HYDIN: variants seen among roughly 807,000 people sequenced by gnomAD.
HYDIN encodes HYDIN axonemal central pair apparatus protein.
In HYDIN, 132 loss-of-function variants were observed where a neutral mutation model predicts 403.9. The ratio of observed to expected loss-of-function variants is 0.33; its 90% CI spans 0.28 to 0.38. The LOEUF (loss-of-function observed/expected upper bound fraction) is 0.38. Among genes scored for constraint, HYDIN ranks in the 10% least tolerant of loss-of-function variants. HYDIN has a pLI of 1.00. For synonymous variants in HYDIN, 1,202 were observed against 1,891.7 expected (o/e 0.64, Z 9.46); for missense variants, 2,827 against 5,009.5 (o/e 0.56, Z 13.15).
rs567950195 is a variant in HYDIN at position 70,981,956 on chromosome 16, G to A, written c.4333-388C>T. Among the ~76,000 whole-genome samples the A allele has an allele frequency of 2.3e-4, 35 of 151,822 alleles. 1 individual carries two copies. The East Asian group carries it at 5.3e-3, about 23-fold the overall frequency. ...ATCCTGGCTAACACGGTAAAACCCC[G>A]TCTCTGCTAAAAATACAAAAAATTA... On this transcript the variant is annotated intron_variant, in intron 28 of 85. Transcript: ENST00000393567.
intron 6 of HYDIN, 108 bp from the exon 7 acceptor site, chr16:71,152,891 T>C (rs2085597261): frequency 2.9e-6 from 2 of 687,738 alleles, no homozygotes; most frequent in East Asian, 2.6e-5. Flanking sequence ...GACCCAGCAC[T>C]GCAATTTCAT....
intron 45 of HYDIN, among the ~76,000 whole-genome samples, chr16:70,934,421 A>G (rs1376400851): frequency 3.9e-5 from 6 of 152,192 alleles, no homozygotes; most frequent in Non-Finnish European, 7.3e-5. Context: ...AGAGGAAAAC[A>G]GGTGTGCTGA....
chr16:70,894,189 G>A (rs572548454), intron 55 of HYDIN: 1 of 555,546 alleles, frequency 1.8e-6, no homozygotes, highest in Admixed American at 3.5e-5. Context: ...AAGCTGCAGA[G>A]TTGAGAGCAG....
intron 18 of HYDIN, among the ~76,000 whole-genome samples, chr16:71,038,922 G>A (rs1453142348): frequency 2.0e-5 from 3 of 152,078 alleles, no homozygotes; most frequent in Non-Finnish European, 4.4e-5. Flanking sequence ...GCCTCCCAAA[G>A]TGCTGGGATT....
chr16:70,927,663 T>C (rs1018988380), intron 45 of HYDIN, among the ~76,000 whole-genome samples: 7 of 152,364 alleles, frequency 4.6e-5, no homozygotes, highest in South Asian at 4.1e-4. Context: ...TGCCCTTGAA[T>C]ACTTTCCTGG....
intron 45 of HYDIN, among the ~76,000 whole-genome samples, chr16:70,932,513 C>A (rs1186665870): frequency 6.6e-6 from 1 of 151,762 alleles, no homozygotes; most frequent in Non-Finnish European, 1.5e-5. Flanking sequence ...GGTAGGCAGA[C>A]AAAATCACAT....
Position 71,198,186 on chromosome 16 carries a change from A to G in HYDIN, c.-23-11268T>C, listed in dbSNP as rs191584789. Among the ~76,000 whole-genome samples the G allele has an allele frequency of 2.0e-3, 305 of 152,330 alleles. 5 individuals are homozygous for G. The highest frequency in any genetic ancestry group is 6.9e-3 in the African/African-American group (287 of 41,570). On this transcript the variant is annotated intron_variant, in intron 1 of 85. Transcript: ENST00000393567. ...TTAACTCTAATGTATCTATTTTATT[A>G]TATACAGCTGTAGTCCATTTTGTGT...
At chr16:70,892,769 C>T (rs1052351667) in intron 55 of HYDIN, among the ~76,000 whole-genome samples, 1 of 152,126 alleles carries the variant, frequency 6.6e-6, no homozygotes, top group South Asian at 2.1e-4. Context: ...CAAGAGAGGC[C>T]ATTGCAGGAG....
chr16:71,174,807 G>C (rs1169100769), intron 5 of HYDIN, among the ~76,000 whole-genome samples: 2 of 152,138 alleles, frequency 1.3e-5, no homozygotes, highest in African/African-American at 4.8e-5. Flanking sequence ...GACTGCCTGT[G>C]AGCTGATGGG....
At chr16:71,226,991 G>A (rs955998898) in intron 1 of HYDIN, among the ~76,000 whole-genome samples, 11 of 152,116 alleles carry the variant, frequency 7.2e-5, no homozygotes, top group Non-Finnish European at 1.5e-4. Flanking sequence ...TCCAGTGATT[G>A]GCTTTCTGTG....
intron 58 of HYDIN, among the ~76,000 whole-genome samples, chr16:70,887,280 G>C (rs1185666981): frequency 6.6e-6 from 1 of 152,162 alleles, no homozygotes; most frequent in African/African-American, 2.4e-5. Flanking sequence ...TTGAGATGAG[G>C]AGATTATTCT....
intron 1 of HYDIN, among the ~76,000 whole-genome samples, chr16:71,212,536 A>ATATTTATATATATATATATATATATAAC: frequency 6.6e-6 from 1 of 152,326 alleles, no homozygotes; most frequent in East Asian, 1.9e-4. Context: ...AACATCCAGC[A>ATATTTATATATATATATATATATATAAC]ATAAAAGATA....
At chr16:71,212,429 T>C (rs995542400) in intron 1 of HYDIN, among the ~76,000 whole-genome samples, 1 of 152,196 alleles carries the variant, frequency 6.6e-6, no homozygotes, top group South Asian at 2.1e-4. Context: ...TGGGTTTTCA[T>C]TGTACTATTA....
intron 22 of HYDIN, among the ~76,000 whole-genome samples, chr16:71,019,580 A>G (rs1241589714): frequency 6.6e-6 from 1 of 152,370 alleles, no homozygotes; most frequent in East Asian, 1.9e-4. Context: ...CGGTATCGCC[A>G]TGCTTGGTGA....
chr16:70,943,769 G>C, intron 42 of HYDIN, 43 bp downstream of exon 42: 1 of 1,595,706 alleles, frequency 6.3e-7, no homozygotes, highest in Non-Finnish European at 8.5e-7. Flanking sequence ...GATGGTGCGT[G>C]AATGCCAAGC....
intron 4 of HYDIN, among the ~76,000 whole-genome samples, chr16:71,176,141 T>C (rs2086661870): frequency 3.2e-5 from 4 of 125,808 alleles, no homozygotes; most frequent in Admixed American, 2.1e-4. Context: ...TCATCTCTAC[T>C]AAAAATACAA....
At chr16:71,210,741 A>G (rs953218311) in intron 1 of HYDIN, among the ~76,000 whole-genome samples, 6 of 152,206 alleles carry the variant, frequency 3.9e-5, no homozygotes, top group Non-Finnish European at 8.8e-5. Flanking sequence ...TAATTAGACT[A>G]AAATTTCACT....
chr16:71,178,434 A>AAATAT (rs1555501894), intron 4 of HYDIN, among the ~76,000 whole-genome samples: 12 of 94,548 alleles, frequency 1.3e-4, no homozygotes, highest in Admixed American at 2.1e-4. Flanking sequence ...AAAAAAAAAA[A>AAATAT]ATATATATAT....
intron 40 of HYDIN, among the ~76,000 whole-genome samples, chr16:70,953,550 C>T (rs2078137489): frequency 6.6e-6 from 1 of 152,142 alleles, no homozygotes; most frequent in South Asian, 2.1e-4. Flanking sequence ...GTCTCTACTT[C>T]CCGGCTTCCC....
Sources: allele counts gnomAD v4.1 joint callset (sites outside exome capture counted in the v4.1 genomes callset), GRCh38; gene constraint gnomAD v4.1.1; transcripts MANE v1.5; gene names NCBI Gene and HGNC (gene_info 2026-07-23, HGNC 2026-07-21).